Variants in PARD3B observed in about 807,000 individuals in gnomAD.
PARD3B encodes the protein partitioning defective 3 homolog B.
PARD3B carries 103 observed loss-of-function variants against 130.2 expected under a neutral mutation model. The observed-to-expected ratio is 0.79, with a 90% CI of 0.67 to 0.93. The LOEUF is 0.93. Among genes scored for constraint, PARD3B ranks in the 40% least tolerant of loss-of-function variants. The pLI is 0.00. For missense variants in PARD3B, 1,609 were observed against 1,499.2 expected (o/e 1.07, Z -1.21); for synonymous variants, 583 against 553.2 (o/e 1.05, Z -0.76).
chr2:205,060,444 T>A (rs1305843010), intron 4 of PARD3B, among the ~76,000 whole-genome samples: 2 of 152,076 alleles, frequency 1.3e-5, no homozygotes, highest in African/African-American at 4.8e-5. Flanking sequence ...AGCAGCAGAG[T>A]TTTAGAACAA....
intron 18 of PARD3B, among the ~76,000 whole-genome samples, chr2:205,383,214 G>C (rs1255469118): frequency 1.3e-5 from 2 of 151,790 alleles, no homozygotes; most frequent in Non-Finnish European, 2.9e-5. Flanking sequence ...AAAACCATGA[G>C]TTTATACTGA....
At chr2:205,065,415 A>G (rs1439895919) in intron 4 of PARD3B, among the ~76,000 whole-genome samples, 4 of 152,228 alleles carry the variant, frequency 2.6e-5, no homozygotes, top group African/African-American at 7.2e-5. Flanking sequence ...ATAATTTCAC[A>G]TGGCCATAAA....
chr2:204,668,018 C>A (rs2036105640), intron 1 of PARD3B, among the ~76,000 whole-genome samples: 1 of 152,162 alleles, frequency 6.6e-6, no homozygotes, highest in Admixed American at 6.5e-5. Flanking sequence ...TGATAATAAA[C>A]CTACATTTCT....
chr2:204,885,634 GT>G (rs1294941241), intron 2 of PARD3B, among the ~76,000 whole-genome samples: 1 of 152,148 alleles, frequency 6.6e-6, no homozygotes, highest in African/African-American at 2.4e-5. Flanking sequence ...TTCAAGATCT[GT>G]GCTTATTATA....
At chr2:205,495,788 G>C (rs2049901629) in intron 20 of PARD3B, among the ~76,000 whole-genome samples, 1 of 152,174 alleles carries the variant, frequency 6.6e-6, no homozygotes, top group Non-Finnish European at 1.5e-5. Flanking sequence ...AGCAGTCTTT[G>C]AAATGAGAAA....
At chr2:205,571,157 A>C (rs1019903321) in intron 22 of PARD3B, among the ~76,000 whole-genome samples, 6 of 152,216 alleles carry the variant, frequency 3.9e-5, no homozygotes, top group African/African-American at 1.2e-4. Flanking sequence ...CTCAAATAAA[A>C]TACTGATCAA....
intron 15 of PARD3B, among the ~76,000 whole-genome samples, chr2:205,233,338 A>G (rs2038928009): frequency 6.6e-6 from 1 of 152,238 alleles, no homozygotes; most frequent in South Asian, 2.1e-4. Flanking sequence ...AATCACCAAC[A>G]GGTACACTAT....
intron 2 of PARD3B, among the ~76,000 whole-genome samples, chr2:204,725,119 A>T (rs977118330): frequency 6.6e-6 from 1 of 152,036 alleles, no homozygotes; most frequent in East Asian, 1.9e-4. Flanking sequence ...ACAAATCTAG[A>T]TTTTTTTTCC....
At chr2:204,697,766 A>G (rs572309663) in intron 2 of PARD3B, among the ~76,000 whole-genome samples, 9 of 152,048 alleles carry the variant, frequency 5.9e-5, no homozygotes, top group Non-Finnish European at 1.2e-4. Flanking sequence ...TGAAGCCCAT[A>G]TGGTTCAGTG....
intron 22 of PARD3B, among the ~76,000 whole-genome samples, chr2:205,559,877 G>T (rs985228636): frequency 1.2e-4 from 18 of 152,124 alleles, no homozygotes; most frequent in Non-Finnish European, 7.4e-5. Flanking sequence ...AGGATTACAG[G>T]CGTGAGCCAC....
intron 3 of PARD3B, among the ~76,000 whole-genome samples, chr2:205,020,043 T>C (rs1355493064): frequency 6.6e-6 from 1 of 152,070 alleles, no homozygotes; most frequent in Non-Finnish European, 1.5e-5. Context: ...CTAATCTGAG[T>C]GGATTGGGGA....
chr2:205,059,296 A>T (rs1699921834), intron 4 of PARD3B, among the ~76,000 whole-genome samples: 1 of 151,992 alleles, frequency 6.6e-6, no homozygotes. Context: ...CTTAATCACA[A>T]CCTATATGCT....
intron 13 of PARD3B, among the ~76,000 whole-genome samples, chr2:205,177,507 A>G (rs1336502153): frequency 6.6e-6 from 1 of 152,186 alleles, no homozygotes; most frequent in East Asian, 1.9e-4. Context: ...GTAGTTGCAT[A>G]GTGTCTTTTG....
chr2:205,221,704 C>T (rs59047826), intron 15 of PARD3B, among the ~76,000 whole-genome samples: 3 of 149,472 alleles, frequency 2.0e-5, no homozygotes, highest in Non-Finnish European at 4.4e-5. Flanking sequence ...AATAAATTCT[C>T]TATGATATCA....
intron 1 of PARD3B, among the ~76,000 whole-genome samples, chr2:204,643,920 C>T (rs115228243): frequency 0.018 from 2,802 of 152,196 alleles, 61 homozygotes; most frequent in Non-Finnish European, 0.025. Context: ...AGCCTGACTG[C>T]GAGGATGACA....
chr2:204,825,803 A>G (rs1315840481), intron 2 of PARD3B, among the ~76,000 whole-genome samples: 3 of 152,232 alleles, frequency 2.0e-5, no homozygotes, highest in Non-Finnish European at 4.4e-5. Context: ...CCAGCTGAGG[A>G]TGCAGAAATG....
intron 2 of PARD3B, among the ~76,000 whole-genome samples, chr2:204,703,687 A>G (rs2038000195): frequency 6.6e-6 from 1 of 152,156 alleles, no homozygotes. Context: ...ATTCATAAGC[A>G]TGGCATTTCA....
intron 16 of PARD3B, chr2:205,293,649 A>T (rs947234016): frequency 6.6e-6 from 1 of 152,232 alleles, no homozygotes; most frequent in Non-Finnish European, 1.5e-5. Context: ...TAGGGCAGTA[A>T]TTATTAAATC....
intron 2 of PARD3B, among the ~76,000 whole-genome samples, chr2:204,860,317 A>G (rs2045130952): frequency 6.6e-6 from 1 of 152,154 alleles, no homozygotes; most frequent in African/African-American, 2.4e-5. Flanking sequence ...ATTACCAAGA[A>G]TGGTTAAAAC....
Sources: allele counts gnomAD v4.1 joint callset (sites outside exome capture counted in the v4.1 genomes callset), GRCh38; gene constraint gnomAD v4.1.1; transcripts MANE v1.5; gene names NCBI Gene and HGNC (gene_info 2026-07-23, HGNC 2026-07-21).